Variants in DAB1 observed in about 807,000 individuals in gnomAD.
DAB1 encodes DAB adaptor protein 1, also known as disabled homolog 1.
Under a neutral mutation model 64.6 loss-of-function variants are expected in DAB1, and 15 were observed. That is an observed-to-expected ratio of 0.23 (90% confidence interval 0.16 to 0.36). The LOEUF (loss-of-function observed/expected upper bound fraction) is 0.36. Among genes scored for constraint, DAB1 ranks in the 10% least tolerant of loss-of-function variants. The pLI, the probability that DAB1 is intolerant of heterozygous loss-of-function variation, is 1.00. For missense variants in DAB1, 596 were observed against 706.7 expected (o/e 0.84, Z 1.78); for synonymous variants, 235 against 251.9 (o/e 0.93, Z 0.64).
chr1:57,054,526 G>GGA (rs1396684570), intron 9 of DAB1, among the ~76,000 whole-genome samples: 1 of 138,992 alleles, frequency 7.2e-6, no homozygotes, highest in African/African-American at 2.8e-5. Context: ...CACCCAGGCT[G>GGA]GAGTGCAGTG....
Position 58,351,298 on chromosome 1 carries a change from A to G in DAB1, n.258-7895T>C, listed in dbSNP as rs545140692. On this transcript the variant is annotated intron_variant and non_coding_transcript_variant, in intron 3 of 20. Transcript: ENST00000485760. ...ACATTTTTGGCTCATAAACCCATGC[A>G]TGGTTACAACCACTACTTTCAAAGA... 2.6e-5 allele frequency among the ~76,000 whole-genome samples: 4 copies of G among 152,286 alleles called. No homozygotes were observed. In the East Asian group the frequency reaches 7.7e-4, roughly 29 times the overall value.
At chr1:57,570,151 G>A (rs1645177482) in intron 7 of DAB1, among the ~76,000 whole-genome samples, 1 of 152,066 alleles carries the variant, frequency 6.6e-6, no homozygotes, top group Non-Finnish European at 1.5e-5. Flanking sequence ...CCTTAATGTG[G>A]GTGGGCACAA....
chr1:57,573,407 A>C (rs754227518), intron 7 of DAB1, among the ~76,000 whole-genome samples: 12 of 152,156 alleles, frequency 7.9e-5, no homozygotes, highest in Non-Finnish European at 1.2e-4. Context: ...ATAATTAATT[A>C]TTATTACTGA....
At chr1:57,082,966 G>T (rs927994879) in intron 4 of DAB1, among the ~76,000 whole-genome samples, 1 of 152,104 alleles carries the variant, frequency 6.6e-6, no homozygotes, top group Admixed American at 6.6e-5. Flanking sequence ...TCTGGGCCAG[G>T]GGTTGAGTGG....
chr1:57,948,100 T>C (rs1318613627), intron 5 of DAB1, among the ~76,000 whole-genome samples: 3 of 152,212 alleles, frequency 2.0e-5, no homozygotes, highest in Non-Finnish European at 4.4e-5. Flanking sequence ...CTAACCTTCC[T>C]TGGAGACTGA....
At chr1:57,565,627 A>C (rs1645109896) in intron 7 of DAB1, among the ~76,000 whole-genome samples, 3 of 152,214 alleles carry the variant, frequency 2.0e-5, no homozygotes. Flanking sequence ...TTGCAATCCT[A>C]GTCTCTGATA....
At chr1:57,928,969 G>A (rs1202779) in intron 5 of DAB1, among the ~76,000 whole-genome samples, 19 of 152,110 alleles carry the variant, frequency 1.2e-4, no homozygotes, top group Admixed American at 1.1e-3. Flanking sequence ...GCACAATTGC[G>A]GGGTCAAATG....
chr1:57,951,593 G>A (rs888467836), intron 5 of DAB1, among the ~76,000 whole-genome samples: 1 of 151,940 alleles, frequency 6.6e-6, no homozygotes, highest in African/African-American at 2.4e-5. Flanking sequence ...GGAAAGTGAC[G>A]TCACAGAGTA....
chr1:58,296,278 A>G (rs1661992123), intron 4 of DAB1, among the ~76,000 whole-genome samples: 1 of 151,816 alleles, frequency 6.6e-6, no homozygotes, highest in Non-Finnish European at 1.5e-5. Flanking sequence ...GAGGCAGTCA[A>G]CAACTCCTTA....
upstream of DAB1, among the ~76,000 whole-genome samples, chr1:57,885,571 G>C (rs1644209365): frequency 6.6e-6 from 1 of 152,134 alleles, no homozygotes; most frequent in Non-Finnish European, 1.5e-5. Context: ...GGGAAATGTT[G>C]GGCTATAGTG....
intron 5 of DAB1, among the ~76,000 whole-genome samples, chr1:57,894,034 A>T (rs1401017306): frequency 6.6e-6 from 1 of 152,156 alleles, no homozygotes; most frequent in Non-Finnish European, 1.5e-5. Flanking sequence ...TCTCCCAAGC[A>T]CTAGCAGGCC....
intron 6 of DAB1, among the ~76,000 whole-genome samples, chr1:57,802,746 C>T (rs774150510): frequency 3.9e-5 from 6 of 152,152 alleles, no homozygotes; most frequent in African/African-American, 7.2e-5. Flanking sequence ...CTTCCCCTTC[C>T]GCCATGACTG....
At chr1:57,601,387 A>C (rs1197356842) in intron 7 of DAB1, among the ~76,000 whole-genome samples, 1 of 152,186 alleles carries the variant, frequency 6.6e-6, no homozygotes, top group African/African-American at 2.4e-5. Flanking sequence ...CAGCCTGGCC[A>C]ACATGTCGAA....
At chr1:58,514,768 T>G (rs904180725) in intron 2 of DAB1, among the ~76,000 whole-genome samples, 1 of 152,112 alleles carries the variant, frequency 6.6e-6, no homozygotes, top group African/African-American at 2.4e-5. Flanking sequence ...GATCATTATT[T>G]TAGAAGCAAT....
chr1:58,348,153 T>G (rs4912331), intron 3 of DAB1, among the ~76,000 whole-genome samples: 1 of 152,046 alleles, frequency 6.6e-6, no homozygotes, highest in South Asian at 2.1e-4. Flanking sequence ...CCAACCAACA[T>G]GGGACCTATT....
chr1:57,932,069 AT>A (rs571566068), intron 5 of DAB1, among the ~76,000 whole-genome samples: 59 of 152,260 alleles, frequency 3.9e-4, no homozygotes, highest in African/African-American at 1.3e-3. Context: ...AGTTAAAAAT[AT>A]TTTTAAATTT....
intron 1 of DAB1, among the ~76,000 whole-genome samples, chr1:57,367,321 A>G (rs1025666054): frequency 9.9e-5 from 15 of 152,126 alleles, no homozygotes; most frequent in African/African-American, 1.4e-4. Context: ...TGAAAAAAGT[A>G]AGAGTTCGGA....
chr1:58,433,782 G>A (rs1171255650), intron 3 of DAB1, among the ~76,000 whole-genome samples: 2 of 152,236 alleles, frequency 1.3e-5, no homozygotes, highest in East Asian at 3.9e-4. Context: ...TATGAGGGCA[G>A]AGCACTCATG....
At chr1:58,526,172 G>C (rs1456064247) in intron 2 of DAB1, among the ~76,000 whole-genome samples, 2 of 152,032 alleles carry the variant, frequency 1.3e-5, no homozygotes, top group Non-Finnish European at 2.9e-5. Context: ...ATGAAAATTA[G>C]GAAATTCTTA....
Sources: gnomAD v4.1 joint callset for allele counts (sites outside exome capture counted in the v4.1 genomes callset) on GRCh38, gnomAD v4.1.1 for gene constraint, MANE v1.5 for transcripts, NCBI Gene and HGNC (gene_info 2026-07-23, HGNC 2026-07-21) for gene names.